SPINK1: variants seen among roughly 807,000 people sequenced by gnomAD.
The protein encoded by SPINK1 is serine peptidase inhibitor Kazal type 1, also known as serine protease inhibitor Kazal-type 1.
SPINK1 carries 5 observed loss-of-function variants against 9.5 expected under a neutral mutation model. The ratio of observed to expected loss-of-function variants is 0.52; its 90% CI spans 0.27 to 1.10. The LOEUF (loss-of-function observed/expected upper bound fraction) is 1.10, where lower values mean the gene tolerates loss of function less well. Among genes scored for constraint, SPINK1 ranks in the 50% least tolerant of loss-of-function variants. SPINK1 has a pLI of 0.11. For missense variants in SPINK1, 88 were observed against 92.7 expected (o/e 0.95, Z 0.21); for synonymous variants, 37 against 32.3 (o/e 1.14, Z -0.49).
At chr5:147,836,297 TGTG>T (rs1419417087), upstream of SPINK1, among the ~76,000 whole-genome samples, 1 of 24,986 alleles carries the variant, frequency 4.0e-5, no homozygotes, top group Non-Finnish European at 6.1e-5. Flanking sequence ...TTTACTGATT[TGTG>T]TGTGTGTGTG....
chr5:147,833,836 T>G (rs1200885819), upstream of SPINK1, among the ~76,000 whole-genome samples: 1 of 152,208 alleles, frequency 6.6e-6, no homozygotes, highest in Non-Finnish European at 1.5e-5. Flanking sequence ...CCTGTATGAC[T>G]TGGCTCCTTT....
At chr5:147,831,731 T>C, upstream of SPINK1, 1 of 1,499,628 alleles carries the variant, frequency 6.7e-7, no homozygotes, top group Non-Finnish European at 8.9e-7. Context: ...TGATTGACTC[T>C]GTGTCATAGC....
chr5:147,824,777 CA>C (rs1461322530), intron 3 of SPINK1, 71 bp from the exon 4 acceptor site: 2 of 1,380,482 alleles, frequency 1.4e-6, no homozygotes, highest in Non-Finnish European at 2.1e-6. Context: ...GGGAGAAAAA[CA>C]GGGGGAAAAA....
At chr5:147,836,833 T>C in the SPINK1 span, among the ~76,000 whole-genome samples, 9 of 152,204 alleles carry the variant, frequency 5.9e-5, no homozygotes. Context: ...CCAGTTTCTT[T>C]CCTTGTCTAG....
At chr5:147,833,833 G>A (rs970998223), upstream of SPINK1, among the ~76,000 whole-genome samples, 8 of 152,138 alleles carry the variant, frequency 5.3e-5, no homozygotes, top group Non-Finnish European at 7.4e-5. Flanking sequence ...GGTCCTGTAT[G>A]ACTTGGCTCC....
chr5:147,832,203 CTTG>C (rs571055242), upstream of SPINK1, among the ~76,000 whole-genome samples: 113 of 152,234 alleles, frequency 7.4e-4, no homozygotes, highest in African/African-American at 2.7e-3. Flanking sequence ...CTAGAGGGTG[CTTG>C]TTGGAGCCAC....
upstream of SPINK1, among the ~76,000 whole-genome samples, chr5:147,832,162 G>C (rs1321358954): frequency 6.6e-6 from 1 of 152,100 alleles, no homozygotes; most frequent in Non-Finnish European, 1.5e-5. Context: ...AGAGAGAGAG[G>C]ACTCAGTTCC....
At chr5:147,836,140 A>G (rs921840206), upstream of SPINK1, among the ~76,000 whole-genome samples, 1 of 152,076 alleles carries the variant, frequency 6.6e-6, no homozygotes, top group Non-Finnish European at 1.5e-5. Context: ...AATATTTTTC[A>G]AAAGCTTCTA....
At chr5:147,824,831 C>A (rs1053112483) in intron 3 of SPINK1, 125 bp from the exon 4 acceptor site, 1 of 832,194 alleles carries the variant, frequency 1.2e-6, no homozygotes, top group Non-Finnish European at 1.9e-6. Flanking sequence ...GATTTATAAT[C>A]TTTTCTCTGT....
intron 3 of SPINK1, among the ~76,000 whole-genome samples, chr5:147,825,236 C>T (rs1756379441): frequency 6.6e-6 from 1 of 152,144 alleles, no homozygotes; most frequent in Non-Finnish European, 1.5e-5. Flanking sequence ...CCCCACACTA[C>T]CATTACCAAA....
At chr5:147,826,022 T>C (rs1448827081) in intron 3 of SPINK1, among the ~76,000 whole-genome samples, 3 of 152,210 alleles carry the variant, frequency 2.0e-5, no homozygotes, top group Admixed American at 1.3e-4. Context: ...CTAGTGGCTA[T>C]GTATTAGACA....
rs1181346927 is a variant in SPINK1, at chr5:147,824,688, G to T, written c.213C>A (p.Ile71=). Reference sequence around the variant, plus strand: ...AGCAAGGCCCAGATTTTTGAATGAGGATAGAAGTCTGGCGTTTCCTGCAGT... The same window carrying T: ...AGCAAGGCCCAGATTTTTGAATGAGTATAGAAGTCTGGCGTTTCCTGCAGT... ...CFENRKRQTS[I]LIQKSGPC is the part of the protein sequence containing the mutation. The change falls in exon 4 of 4, where the codon ATC becomes ATA. Residue 71 remains isoleucine, a synonymous_variant. Coordinates refer to ENST00000296695, the MANE Select transcript of SPINK1 (RefSeq NM_001379610.1). 1.9e-6 allele frequency: 3 copies of T among 1,614,020 alleles called. No homozygotes were observed. Among genetic ancestry groups the T allele is most frequent in the South Asian group, 2.2e-5 (2 of 91,072 alleles).
chr5:147,826,549 G>A (rs1373306639), intron 3 of SPINK1, among the ~76,000 whole-genome samples: 1 of 152,142 alleles, frequency 6.6e-6, no homozygotes, highest in Non-Finnish European at 1.5e-5. Context: ...TAAATGTTGA[G>A]CGGCACTTGG....
chr5:147,831,138 G>A (rs1283349907), intron 1 of SPINK1, among the ~76,000 whole-genome samples: 1 of 151,994 alleles, frequency 6.6e-6, no homozygotes, highest in African/African-American at 2.4e-5. Context: ...CTGAATAACT[G>A]GAAGCCATTT....
chr5:147,837,938 G>T, the SPINK1 span, among the ~76,000 whole-genome samples: 9 of 152,000 alleles, frequency 5.9e-5, no homozygotes, highest in African/African-American at 2.2e-4. Context: ...CTGACCTCAG[G>T]TGATCCACCC....
chr5:147,833,094 A>T (rs1213594413), upstream of SPINK1, among the ~76,000 whole-genome samples: 2 of 152,198 alleles, frequency 1.3e-5, no homozygotes, highest in Admixed American at 1.3e-4. Flanking sequence ...ACACAGAGAC[A>T]TGAAGGAAAT....
chr5:147,834,145 T>C (rs1445991421), upstream of SPINK1, among the ~76,000 whole-genome samples: 14 of 152,212 alleles, frequency 9.2e-5, no homozygotes, highest in Admixed American at 9.2e-4. Flanking sequence ...TTATGTAATA[T>C]CTTTATTTTT....
At chr5:147,827,941 G>T in intron 3 of SPINK1, 81 bp downstream of exon 3, 1 of 1,072,308 alleles carries the variant, frequency 9.3e-7, no homozygotes, top group Admixed American at 2.1e-5. Flanking sequence ...CTTTTCTCGG[G>T]GTGAGATTCA....
rs1580942670 is a variant in SPINK1, at chr5:147,829,622, C to T, written c.64G>A (p.Gly22Arg). The change falls in exon 2 of 4, where the codon GGA (glycine) becomes AGA (arginine). Residue 22 changes from glycine (G) to arginine (R), a missense_variant. Gly to Arg is a moderately radical substitution (Grantham distance 125). Coordinates refer to ENST00000296695, the MANE Select transcript of SPINK1 (RefSeq NM_001379610.1). ...LALLSLSGNT[G>R]ADSLGREAKC... ...ACCTCTCTTCCCAGGGAGTCAGCTC[C>T]AGTGTTACCTAGAAATAAATCAGAT... 1.9e-6 allele frequency: 3 copies of T among 1,612,462 alleles called. No individual in the cohort carries two copies. The highest frequency in any genetic ancestry group is 2.5e-6 in the Non-Finnish European group (3 of 1,178,872).
Sources: allele counts gnomAD v4.1 joint callset (sites outside exome capture counted in the v4.1 genomes callset), GRCh38; gene constraint gnomAD v4.1.1; transcripts MANE v1.5; gene names NCBI Gene and HGNC (gene_info 2026-07-23, HGNC 2026-07-21).